The following RPS6KC1 variants were observed in gnomAD, a reference collection of about 807,000 sequenced individuals.
RPS6KC1 encodes ribosomal protein S6 kinase C1, also known as inactive ribosomal protein S6 kinase delta-1.
In RPS6KC1, 54 loss-of-function variants were observed where a neutral mutation model predicts 103.8. The ratio of observed to expected loss-of-function variants is 0.52; its 90% CI spans 0.42 to 0.65. The LOEUF is 0.65. RPS6KC1 is among the 30% of genes least tolerant of loss of function. The probability of loss-of-function intolerance (pLI) is 0.00; values close to 1 mark genes in which losing one functional copy is unlikely to be tolerated. For synonymous variants in RPS6KC1, 439 were observed against 438.7 expected (o/e 1.00, Z -0.01); for missense variants, 1,151 against 1,253.8 (o/e 0.92, Z 1.24).
At chr1:213,185,011 T>C (rs2092458694) in intron 8 of RPS6KC1, among the ~76,000 whole-genome samples, 1 of 152,210 alleles carries the variant, frequency 6.6e-6, no homozygotes, top group South Asian at 2.1e-4. Flanking sequence ...TTAGATTTAG[T>C]GTGTAGTTTA....
chr1:213,694,550 A>C, the RPS6KC1 span, among the ~76,000 whole-genome samples: 1 of 152,154 alleles, frequency 6.6e-6, no homozygotes, highest in Non-Finnish European at 1.5e-5. Flanking sequence ...AAGAGTCACC[A>C]ACTTTCCCAC....
chr1:213,155,527 C>G (rs1292802557), intron 6 of RPS6KC1, among the ~76,000 whole-genome samples: 1 of 152,130 alleles, frequency 6.6e-6, no homozygotes, highest in African/African-American at 2.4e-5. Context: ...CCTTTTTGCT[C>G]TAACAGGACA....
chr1:213,753,974 CT>C, the RPS6KC1 span, among the ~76,000 whole-genome samples: 1 of 152,118 alleles, frequency 6.6e-6, no homozygotes, highest in Non-Finnish European at 1.5e-5. Flanking sequence ...CCCTGAAGCC[CT>C]GGGAGGGCGG....
chr1:213,365,884 T>C, the RPS6KC1 span, among the ~76,000 whole-genome samples: 1 of 152,250 alleles, frequency 6.6e-6, no homozygotes, highest in Non-Finnish European at 1.5e-5. Context: ...AGACAATATG[T>C]AATGAATGGG....
At chr1:213,853,621 C>A in the RPS6KC1 span, among the ~76,000 whole-genome samples, 1 of 152,220 alleles carries the variant, frequency 6.6e-6, no homozygotes, top group Non-Finnish European at 1.5e-5. Flanking sequence ...CCTATGACTT[C>A]TACATTTCTT....
chr1:213,786,555 T>C, the RPS6KC1 span, among the ~76,000 whole-genome samples: 3 of 152,330 alleles, frequency 2.0e-5, no homozygotes, highest in Middle Eastern at 0.01. Context: ...CTGAGACTGT[T>C]TCTTCTTTTA....
chr1:213,851,921 G>A, the RPS6KC1 span, among the ~76,000 whole-genome samples: 1 of 152,088 alleles, frequency 6.6e-6, no homozygotes, highest in Non-Finnish European at 1.5e-5. Flanking sequence ...CTCTCCCACA[G>A]TCCCTGCCGC....
chr1:213,641,697 G>C, the RPS6KC1 span, among the ~76,000 whole-genome samples: 6 of 151,338 alleles, frequency 4.0e-5, no homozygotes, highest in Admixed American at 3.9e-4. Context: ...GATCTACTCA[G>C]TACAACCCAG....
At chr1:213,589,548 A>G in the RPS6KC1 span, among the ~76,000 whole-genome samples, 2 of 151,898 alleles carry the variant, frequency 1.3e-5, no homozygotes, top group Non-Finnish European at 2.9e-5. Context: ...AGGCTGAGGC[A>G]GGAGAATCAC....
chr1:213,372,338 A>G, the RPS6KC1 span, among the ~76,000 whole-genome samples: 1 of 152,154 alleles, frequency 6.6e-6, no homozygotes. Context: ...CTTCAGATCT[A>G]TTGAGAAACC....
chr1:213,157,673 G>C (rs1034446738), intron 6 of RPS6KC1, among the ~76,000 whole-genome samples: 4 of 152,172 alleles, frequency 2.6e-5, no homozygotes, highest in African/African-American at 9.7e-5. Context: ...TTTTTGTATG[G>C]AGTATTCTGT....
the RPS6KC1 span, among the ~76,000 whole-genome samples, chr1:213,333,051 C>A: frequency 1.3e-5 from 2 of 152,182 alleles, no homozygotes; most frequent in East Asian, 1.9e-4. Flanking sequence ...GTGAGAAAAT[C>A]TTATTGTTTC....
At chr1:213,385,101 G>T in the RPS6KC1 span, among the ~76,000 whole-genome samples, 5 of 152,188 alleles carry the variant, frequency 3.3e-5, no homozygotes, top group Admixed American at 3.3e-4. Context: ...AATTCTTAAT[G>T]GTGGGGTTTT....
the RPS6KC1 span, among the ~76,000 whole-genome samples, chr1:213,407,926 G>A: frequency 2.0e-5 from 3 of 152,122 alleles, no homozygotes; most frequent in Non-Finnish European, 4.4e-5. Context: ...GGTTGTATAC[G>A]TGGCCCTTAG....
chr1:213,172,206 T>TAG (rs1345176323), intron 7 of RPS6KC1, among the ~76,000 whole-genome samples: 2 of 152,098 alleles, frequency 1.3e-5, no homozygotes, highest in Non-Finnish European at 2.9e-5. Context: ...TTGGGAAGAA[T>TAG]AGAGAGAGAG....
chr1:213,371,958 T>C, the RPS6KC1 span, among the ~76,000 whole-genome samples: 1 of 152,212 alleles, frequency 6.6e-6, no homozygotes. Flanking sequence ...GTCACAGGAC[T>C]GGACAGGAGT....
intron 8 of RPS6KC1, among the ~76,000 whole-genome samples, chr1:213,215,252 G>T (rs1301450112): frequency 2.6e-5 from 4 of 152,330 alleles, no homozygotes; most frequent in African/African-American, 9.6e-5. Context: ...AGTAGCCGAT[G>T]CGATCAACTG....
At chr1:213,266,073 T>C (rs1166183167) in intron 14 of RPS6KC1, among the ~76,000 whole-genome samples, 1 of 152,206 alleles carries the variant, frequency 6.6e-6, no homozygotes, top group Non-Finnish European at 1.5e-5. Flanking sequence ...GTGATAAGTG[T>C]CGTGTATATC....
At chr1:213,641,829 A>AAAATAAAT in the RPS6KC1 span, among the ~76,000 whole-genome samples, 15 of 116,404 alleles carry the variant, frequency 1.3e-4, no homozygotes, top group Admixed American at 6.9e-4. Flanking sequence ...ACCCCCTGCA[A>AAAATAAAT]AAATAAATAA....
Sources: gnomAD v4.1 joint callset for allele counts (sites outside exome capture counted in the v4.1 genomes callset) on GRCh38, gnomAD v4.1.1 for gene constraint, MANE v1.5 for transcripts, NCBI Gene and HGNC (gene_info 2026-07-23, HGNC 2026-07-21) for gene names.